Variants in PPFIA2 observed in about 807,000 individuals in gnomAD.
The protein encoded by PPFIA2 is liprin-alpha-2.
A neutral mutation model predicts 175.5 loss-of-function variants in PPFIA2; 46 were observed. The ratio of observed to expected loss-of-function variants is 0.26; its 90% CI spans 0.21 to 0.34. The LOEUF is 0.34. PPFIA2 is among the 10% of genes least tolerant of loss of function. The pLI is 1.00. For missense variants in PPFIA2, 1,179 were observed against 1,506.1 expected (o/e 0.78, Z 3.60); for synonymous variants, 568 against 511.4 (o/e 1.11, Z -1.49).
At chr12:81,559,736 A>G (rs1017327928) in intron 4 of PPFIA2, among the ~76,000 whole-genome samples, 1 of 151,892 alleles carries the variant, frequency 6.6e-6, no homozygotes, top group Admixed American at 6.6e-5. Flanking sequence ...TAAATGCAAG[A>G]TACTTATTAA....
intron 5 of PPFIA2, among the ~76,000 whole-genome samples, chr12:81,446,444 GA>G (rs1217590768): frequency 1.3e-5 from 2 of 152,146 alleles, no homozygotes; most frequent in Admixed American, 1.3e-4. Context: ...GTTCTGCTTT[GA>G]AATGTTTTGT....
intron 4 of PPFIA2, among the ~76,000 whole-genome samples, chr12:81,604,253 T>C (rs2060070499): frequency 6.6e-6 from 1 of 151,770 alleles, no homozygotes; most frequent in East Asian, 1.9e-4. Context: ...TGAAATGGCA[T>C]GGAAATGGTT....
chr12:81,336,006 C>T (rs997278246), intron 21 of PPFIA2, among the ~76,000 whole-genome samples: 1 of 152,140 alleles, frequency 6.6e-6, no homozygotes, highest in Non-Finnish European at 1.5e-5. Context: ...TTTGAGTCTA[C>T]ATCACTCCTA....
intron 24 of PPFIA2, among the ~76,000 whole-genome samples, chr12:81,289,980 T>A (rs1188475487): frequency 6.6e-6 from 1 of 151,768 alleles, no homozygotes; most frequent in Admixed American, 6.6e-5. Flanking sequence ...TAATCATATA[T>A]GTGACATTTA....
intron 3 of PPFIA2, among the ~76,000 whole-genome samples, chr12:81,692,865 A>G: frequency 6.6e-6 from 1 of 152,104 alleles, no homozygotes; most frequent in South Asian, 2.1e-4. Flanking sequence ...TGGAGTTTTG[A>G]TACCCTAAAG....
intron 5 of PPFIA2, among the ~76,000 whole-genome samples, chr12:81,451,739 GTTGAA>G (rs1398976491): frequency 6.6e-6 from 1 of 152,120 alleles, no homozygotes; most frequent in East Asian, 1.9e-4. Flanking sequence ...CTTAATACTT[GTTGAA>G]TTGGGTTAAT....
chr12:81,338,283 C>A (rs1464515364), intron 21 of PPFIA2, among the ~76,000 whole-genome samples: 1 of 152,062 alleles, frequency 6.6e-6, no homozygotes, highest in Non-Finnish European at 1.5e-5. Flanking sequence ...GAGTTTAATT[C>A]TTTCCCAATA....
intron 9 of PPFIA2, among the ~76,000 whole-genome samples, chr12:81,377,874 C>T (rs993695959): frequency 6.6e-6 from 1 of 152,118 alleles, no homozygotes. Flanking sequence ...CGTGTCCACT[C>T]TGAACCTGTG....
At chr12:81,377,053 G>A (rs533457203) in intron 9 of PPFIA2, among the ~76,000 whole-genome samples, 1 of 151,340 alleles carries the variant, frequency 6.6e-6, no homozygotes, top group Non-Finnish European at 1.5e-5. Flanking sequence ...TAATATAATA[G>A]CAAGACATAA....
chr12:81,602,605 C>T (rs2059908940), intron 4 of PPFIA2, among the ~76,000 whole-genome samples: 1 of 151,788 alleles, frequency 6.6e-6, no homozygotes, highest in Non-Finnish European at 1.5e-5. Context: ...AAACATCTGG[C>T]TTTCAAAAAG....
chr12:81,650,669 A>G (rs1158786933), intron 4 of PPFIA2, among the ~76,000 whole-genome samples: 8 of 152,146 alleles, frequency 5.3e-5, no homozygotes, highest in Non-Finnish European at 1.2e-4. Flanking sequence ...AAGTTTAGAA[A>G]CCTATGCAAT....
chr12:81,449,079 A>C (rs979263603), intron 5 of PPFIA2, among the ~76,000 whole-genome samples: 1 of 152,182 alleles, frequency 6.6e-6, no homozygotes, highest in South Asian at 2.1e-4. Context: ...CTGGTGGACA[A>C]ACTGATTCAC....
At chr12:81,266,400 T>C (rs1440127328) in intron 30 of PPFIA2, among the ~76,000 whole-genome samples, 1 of 152,220 alleles carries the variant, frequency 6.6e-6, no homozygotes, top group Non-Finnish European at 1.5e-5. Flanking sequence ...TAACTTAATA[T>C]GCACATATTA....
rs566151385 is a variant in PPFIA2, at chr12:81,630,428, A to T, written c.303+46363T>A. Among the ~76,000 whole-genome samples, 18 of 152,306 alleles carry T rather than the reference A, an allele frequency of 1.2e-4. No individual in the cohort carries two copies. In the South Asian group the frequency reaches 3.5e-3, roughly 30 times the overall value. On this transcript the variant is annotated intron_variant, in intron 4 of 32. Coordinates refer to ENST00000549396, the MANE Select transcript of PPFIA2 (RefSeq NM_003625.5). ...GGCTGGAAAAAGCCAGTATTTTTGT[A>T]GCTTCTATAGAACATACAGGTTACA...
intron 4 of PPFIA2, among the ~76,000 whole-genome samples, chr12:81,466,943 AAT>A (rs937140903): frequency 1.4e-5 from 2 of 147,784 alleles, no homozygotes; most frequent in African/African-American, 2.5e-5. Flanking sequence ...AATATACATA[AAT>A]ATATATATAT....
At chr12:81,482,579 C>G (rs972316838) in intron 4 of PPFIA2, among the ~76,000 whole-genome samples, 10 of 152,204 alleles carry the variant, frequency 6.6e-5, no homozygotes, top group African/African-American at 1.9e-4. Flanking sequence ...GAGTTCATGT[C>G]CTTTGCAGGG....
intron 3 of PPFIA2, among the ~76,000 whole-genome samples, chr12:81,722,916 T>C (rs1015178213): frequency 3.3e-5 from 5 of 151,116 alleles, no homozygotes; most frequent in African/African-American, 1.2e-4. Flanking sequence ...AGGATGCATT[T>C]TGCAAAGTAT....
intron 3 of PPFIA2, among the ~76,000 whole-genome samples, chr12:81,732,619 C>G (rs972734126): frequency 2.7e-5 from 4 of 150,208 alleles, no homozygotes; most frequent in African/African-American, 9.8e-5. Context: ...CAACAAAACC[C>G]ATTTCAACAG....
intron 4 of PPFIA2, among the ~76,000 whole-genome samples, chr12:81,468,985 G>T (rs1276023269): frequency 6.6e-6 from 1 of 152,146 alleles, no homozygotes. Flanking sequence ...CACTCTCTCT[G>T]TGAAAGTACA....
Sources: allele counts gnomAD v4.1 joint callset (sites outside exome capture counted in the v4.1 genomes callset), GRCh38; gene constraint gnomAD v4.1.1; transcripts MANE v1.5; gene names NCBI Gene and HGNC (gene_info 2026-07-23, HGNC 2026-07-21).